Variants in MORF4L1 observed in about 807,000 individuals in gnomAD.
The protein encoded by MORF4L1 is mortality factor 4 like 1, also known as mortality factor 4-like protein 1.
In MORF4L1, 4 loss-of-function variants were observed where a neutral mutation model predicts 52.9. The ratio of observed to expected loss-of-function variants is 0.08; its 90% CI spans 0.04 to 0.17. The LOEUF (loss-of-function observed/expected upper bound fraction) is 0.17. MORF4L1 is among the 10% of genes least tolerant of loss of function. The probability of loss-of-function intolerance (pLI) is 1.00; values close to 1 mark genes in which losing one functional copy is unlikely to be tolerated. For synonymous variants in MORF4L1, 123 were observed against 134.8 expected (o/e 0.91, Z 0.61); for missense variants, 214 against 390.4 (o/e 0.55, Z 3.81).
chr15:78,887,457 C>T, intron 5 of MORF4L1, 108 bp downstream of exon 5: 1 of 901,930 alleles, frequency 1.1e-6, no homozygotes, highest in African/African-American at 1.7e-5. Context: ...ATTGTTGGAA[C>T]CAGTAAGAAT....
At chr15:78,887,142 C>G (rs1261020848) in intron 4 of MORF4L1, 127 bp from the exon 5 acceptor site, 1 of 721,694 alleles carries the variant, frequency 1.4e-6, no homozygotes, top group Non-Finnish European at 2.4e-6. Flanking sequence ...GTGGAAATAT[C>G]TCTGTCCAAC....
At chr15:78,873,165 A>G in intron 1 of MORF4L1, 108 bp downstream of exon 1, 1 of 1,535,880 alleles carries the variant, frequency 6.5e-7, no homozygotes, top group Non-Finnish European at 8.8e-7. Flanking sequence ...GCGCCCTGAG[A>G]AGGCGGCGGT....
chr15:78,874,892 C>T (rs889527582), intron 1 of MORF4L1, among the ~76,000 whole-genome samples: 1 of 151,302 alleles, frequency 6.6e-6, no homozygotes, highest in Non-Finnish European at 1.5e-5. Flanking sequence ...TTTTCTATCT[C>T]CCAAGTTTAG....
intron 5 of MORF4L1, among the ~76,000 whole-genome samples, chr15:78,889,017 ATTCT>A (rs1434839755): frequency 6.6e-6 from 1 of 152,242 alleles, no homozygotes; most frequent in Non-Finnish European, 1.5e-5. Context: ...TTCATAACTA[ATTCT>A]TTATCACTGT....
chr15:78,881,470 AC>A (rs1292621650), intron 3 of MORF4L1, among the ~76,000 whole-genome samples: 1 of 145,802 alleles, frequency 6.9e-6, no homozygotes, highest in Non-Finnish European at 1.5e-5. Flanking sequence ...TGCTGGGATT[AC>A]AGGTGTGAGC....
intron 11 of MORF4L1, among the ~76,000 whole-genome samples, chr15:78,895,279 T>C (rs1190603513): frequency 6.6e-6 from 1 of 150,976 alleles, no homozygotes; most frequent in African/African-American, 2.4e-5. Context: ...GTTCCATTTA[T>C]GATAAATGGT....
rs1555441326 is a variant in MORF4L1, at chr15:78,897,073, A to G, written c.*6A>G. 1.3e-6 allele frequency: 2 copies of G among 1,593,954 alleles called. No individual in the cohort carries two copies. The highest frequency in any genetic ancestry group is 1.7e-5 in the Admixed American group (1 of 59,964). ...ACCATCGGAAAGCTGTGTGAGAGGC[A>G]CTCTCACTCACTTATGTTTGGATCT... On this transcript the variant is annotated 3_prime_UTR_variant, in exon 12 of 12. Transcript: ENST00000426013.
intron 3 of MORF4L1, among the ~76,000 whole-genome samples, chr15:78,880,812 C>T (rs1043473959): frequency 2.0e-5 from 3 of 150,058 alleles, no homozygotes; most frequent in Non-Finnish European, 4.4e-5. Context: ...AGTGTAATAT[C>T]TATTAGTCAT....
intron 1 of MORF4L1, 97 bp downstream of exon 1, chr15:78,873,154 T>A (rs1326928822): frequency 9.1e-6 from 14 of 1,538,832 alleles, no homozygotes; most frequent in Non-Finnish European, 1.2e-5. Flanking sequence ...CGGCGCGGGC[T>A]GCGCCCTGAG....
intron 1 of MORF4L1, chr15:78,876,588 T>G (rs2056496871): frequency 4.4e-6 from 2 of 455,898 alleles, no homozygotes; most frequent in Non-Finnish European, 8.8e-6. Context: ...AGAAAAATGG[T>G]AGGCCATTTT....
At chr15:78,889,110 C>A (rs921649146) in intron 5 of MORF4L1, among the ~76,000 whole-genome samples, 13 of 152,138 alleles carry the variant, frequency 8.5e-5, no homozygotes, top group Non-Finnish European at 1.6e-4. Context: ...TGTGCAGTCT[C>A]CACTACAAAA....
At chr15:78,895,479 G>T (rs750519818) in intron 11 of MORF4L1, among the ~76,000 whole-genome samples, 28 of 152,196 alleles carry the variant, frequency 1.8e-4, no homozygotes, top group Non-Finnish European at 3.5e-4. Flanking sequence ...TGAAGAAATG[G>T]AGAAAAGGGC....
intron 4 of MORF4L1, among the ~76,000 whole-genome samples, chr15:78,886,827 C>T (rs1175965112): frequency 4.0e-5 from 6 of 151,898 alleles, no homozygotes; most frequent in African/African-American, 1.2e-4. Context: ...TGGTGGCGGG[C>T]GCCTGTAGTC....
chr15:78,897,213 A>G lies in MORF4L1; in HGVS notation c.*146A>G. Reference sequence around the variant, plus strand: ...GTTTGATTTTAAACAGAGAAAAAATAAAAGGGGGTAATAGCTCCTTTTTTC... The same window carrying G: ...GTTTGATTTTAAACAGAGAAAAAATGAAAGGGGGTAATAGCTCCTTTTTTC... On this transcript the variant is annotated 3_prime_UTR_variant, in exon 12 of 12. Coordinates refer to ENST00000426013, the MANE Select transcript of MORF4L1 (RefSeq NM_006791.4). 3.4e-6 allele frequency: 2 copies of G among 588,484 alleles called. No individual in the cohort carries two copies. Among genetic ancestry groups the G allele is most frequent in the Non-Finnish European group, 5.9e-6 (2 of 338,370 alleles). The allele number at this position is 588,484 out of a possible 1,614,324, so 36.5% of individuals were successfully genotyped here. A position where few individuals can be genotyped will look rare whatever the true frequency, so the allele number is the denominator to read the frequency against.
chr15:78,877,867 A>T (rs2141589781), intron 1 of MORF4L1: 1 of 185,906 alleles, frequency 5.4e-6, no homozygotes, highest in East Asian at 1.3e-4. Context: ...TGAGGAAAGC[A>T]TTTAAAAAAC....
intron 9 of MORF4L1, 150 bp downstream of exon 9, chr15:78,893,777 G>A: frequency 1.5e-6 from 1 of 645,550 alleles, no homozygotes; most frequent in Non-Finnish European, 2.6e-6. Flanking sequence ...GAGTTGGCTG[G>A]CTGACTTTTT....
At chr15:78,889,139 T>C (rs1433938638) in intron 5 of MORF4L1, among the ~76,000 whole-genome samples, 9 of 152,206 alleles carry the variant, frequency 5.9e-5, no homozygotes, top group Admixed American at 2.0e-4. Flanking sequence ...TGAGTAAATA[T>C]ATGAAGTAAA....
intron 1 of MORF4L1, among the ~76,000 whole-genome samples, chr15:78,874,108 A>G (rs2056430712): frequency 6.8e-6 from 1 of 147,402 alleles, no homozygotes; most frequent in African/African-American, 2.5e-5. Context: ...GCTTCAGTTA[A>G]CGTATAATAA....
chr15:78,892,506 T>C (rs1305755494), intron 8 of MORF4L1, 193 bp downstream of exon 8: 5 of 464,136 alleles, frequency 1.1e-5, no homozygotes, highest in Admixed American at 3.7e-5. Flanking sequence ...AGTTCACATA[T>C]AAATTTTATG....
Sources: gnomAD v4.1 joint callset for allele counts (sites outside exome capture counted in the v4.1 genomes callset) on GRCh38, gnomAD v4.1.1 for gene constraint, MANE v1.5 for transcripts, NCBI Gene and HGNC (gene_info 2026-07-23, HGNC 2026-07-21) for gene names.